The following SERP2 variants were observed in gnomAD, a reference collection of about 807,000 sequenced individuals.
SERP2 encodes stress-associated endoplasmic reticulum protein 2.
SERP2 carries 6 observed loss-of-function variants against 9.1 expected under a neutral mutation model. The observed-to-expected ratio is 0.66, with a 90% CI of 0.36 to 1.30. SERP2 has a LOEUF of 1.30. Among genes scored for constraint, SERP2 ranks in the 50% most tolerant of loss-of-function variants. SERP2 has a pLI of 0.03. For synonymous variants in SERP2, 37 were observed against 27.3 expected, an observed-to-expected ratio of 1.35 and a Z score of -1.10; for missense variants, 58 against 81.9, an observed-to-expected ratio of 0.71 and a Z score of 1.13.
intron 2 of SERP2, among the ~76,000 whole-genome samples, chr13:44,394,345 A>G (rs4942326): frequency 0.99 from 150,376 of 152,268 alleles, 74,277 homozygotes; most frequent in Non-Finnish European, 1. Context: ...GGATGGTCTC[A>G]ATCTCTTGAC....
rs540782238 is a variant in SERP2, at chr13:44,395,877, GAAGA to G, written c.158-1390_158-1387del. Reference sequence around the variant, plus strand: ...ATACAAGAGATGTGACCAGAGATGAGAAGAAAGAGACCCAAAAAATGATCAGAAG... The same window carrying G: ...ATACAAGAGATGTGACCAGAGATGAGAAGAGACCCAAAAAATGATCAGAAG... On this transcript the variant is annotated intron_variant, in intron 2 of 2. Coordinates refer to ENST00000379179, the MANE Select transcript of SERP2 (RefSeq NM_001010897.3). 207 of 455,142 alleles carry G rather than the reference GAAGA, an allele frequency of 4.5e-4. No homozygotes were observed. In the East Asian group the frequency reaches 0.014, roughly 31 times the overall value. The allele number at this position is 455,142 out of a possible 1,614,324, so 28.2% of individuals were successfully genotyped here.
At chr13:44,388,572 T>C (rs188335832) in intron 2 of SERP2, among the ~76,000 whole-genome samples, 42 of 152,324 alleles carry the variant, frequency 2.8e-4, no homozygotes, top group African/African-American at 8.4e-4. Context: ...GCACCATCCG[T>C]TGGGAGTCGC....
At chr13:44,383,600 T>C (rs570441299) in intron 2 of SERP2, among the ~76,000 whole-genome samples, 1 of 138,094 alleles carries the variant, frequency 7.2e-6, no homozygotes, top group East Asian at 2.1e-4. Context: ...CAGGCTGGAG[T>C]GCAGTGGCGC....
At position 44,373,886 on chromosome 13, in the gene SERP2, C is replaced by A. The variant is rs984506999; in HGVS notation, c.-140C>A. On this transcript the variant is annotated 5_prime_UTR_variant, in exon 1 of 3. Coordinates refer to ENST00000379179, the MANE Select transcript of SERP2 (RefSeq NM_001010897.3). This position sits in a 1 kb window ranked among gnomAD's most constrained non-coding sequence, Gnocchi z 4.8. Reference sequence around the variant, plus strand: ...TAGCCGGGGCTCGGGGAGCGGGGTGCGCAGGGCTCGGGGCCACGCCTTGCC... The same window carrying A: ...TAGCCGGGGCTCGGGGAGCGGGGTGAGCAGGGCTCGGGGCCACGCCTTGCC... 47 of 653,116 alleles carry A rather than the reference C, an allele frequency of 7.2e-5. 2 individuals carry two copies. The South Asian group carries it at 9.4e-4, about 13-fold the overall frequency. The allele number at this position is 653,116 out of a possible 1,614,324, so 40.5% of individuals were successfully genotyped here.
intron 2 of SERP2, among the ~76,000 whole-genome samples, chr13:44,395,551 C>CCGAGA (rs1308309458): frequency 6.7e-6 from 1 of 148,812 alleles, no homozygotes; most frequent in Non-Finnish European, 1.5e-5. Context: ...TTGCAGTGAG[C>CCGAGA]CGAGATCGCA....
chr13:44,387,167 ACTG>A (rs1469816668), intron 2 of SERP2, among the ~76,000 whole-genome samples: 1 of 152,180 alleles, frequency 6.6e-6, no homozygotes, highest in Non-Finnish European at 1.5e-5. Flanking sequence ...AGATAGGTCA[ACTG>A]CTATCTTCTC....
At chr13:44,378,366 GT>G (rs1176810139) in intron 1 of SERP2, among the ~76,000 whole-genome samples, 1 of 151,780 alleles carries the variant, frequency 6.6e-6, no homozygotes. Flanking sequence ...AGCACCACTC[GT>G]TTTTTTTGAA....
In SERP2 at chr13:44,380,337, TTG is replaced by T. The variant is rs150349691; in HGVS notation, c.157+627_157+628del. 5.5e-3 allele frequency among the ~76,000 whole-genome samples: 843 copies of T among 152,304 alleles called. 7 individuals are homozygous for T. Among genetic ancestry groups the T allele is most frequent in the African/African-American group, 0.02 (816 of 41,554 alleles). On this transcript the variant is annotated intron_variant, in intron 2 of 2. Coordinates refer to ENST00000379179, the MANE Select transcript of SERP2 (RefSeq NM_001010897.3). ...CCCATATGTTGGGTCTCAGAAATCC[TTG>T]TGAGTGGAGGTCACTTCTTCTAACT...
chr13:44,388,109 TA>T (rs1385014043), intron 2 of SERP2, among the ~76,000 whole-genome samples: 2 of 148,800 alleles, frequency 1.3e-5, no homozygotes, highest in East Asian at 4.0e-4. Flanking sequence ...AAAATGTGTT[TA>T]AAAAAAATCT....
chr13:44,374,012 A>G lies in SERP2; in HGVS notation c.-14A>G. The G allele has an allele frequency of 6.3e-7, 1 of 1,592,394 alleles. No individual in the cohort carries two copies. The highest frequency in any genetic ancestry group is 8.6e-7 in the Non-Finnish European group (1 of 1,169,430). ...GAATCCTTGCAGGTGGGAGCATTTC[A>G]GAGCGCACAAGCCATGGTGGCCAAA... On this transcript the variant is annotated 5_prime_UTR_variant, in exon 1 of 3. Transcript: ENST00000379179.
intron 2 of SERP2, chr13:44,391,173 A>T (rs137998764): frequency 2.1e-3 from 323 of 151,670 alleles, no homozygotes; most frequent in African/African-American, 7.5e-3. Flanking sequence ...TCCTTCTGGC[A>T]CTCCCTCTTA....
At chr13:44,375,908 C>A (rs1871623001) in intron 1 of SERP2, among the ~76,000 whole-genome samples, 1 of 152,138 alleles carries the variant, frequency 6.6e-6, no homozygotes. Context: ...ATTGGGAAAA[C>A]ATTGTTTAAA....
chr13:44,388,377 T>C (rs1872448370), intron 2 of SERP2, among the ~76,000 whole-genome samples: 1 of 152,244 alleles, frequency 6.6e-6, no homozygotes, highest in Non-Finnish European at 1.5e-5. Context: ...CATGCTTGCA[T>C]GTCTGTGTGT....
At chr13:44,385,899 A>G (rs1595053052) in intron 2 of SERP2, among the ~76,000 whole-genome samples, 1 of 152,288 alleles carries the variant, frequency 6.6e-6, no homozygotes, top group Non-Finnish European at 1.5e-5. Flanking sequence ...CATGGGAAAC[A>G]GGGGCACCAC....
intron 2 of SERP2, among the ~76,000 whole-genome samples, chr13:44,382,812 A>G (rs561498503): frequency 1.3e-3 from 198 of 152,280 alleles, no homozygotes; most frequent in Non-Finnish European, 2.3e-3. Flanking sequence ...GGGCTTTGGA[A>G]ATACAATCCT....
chr13:44,377,486 C>A (rs1388392257), intron 1 of SERP2, among the ~76,000 whole-genome samples: 3 of 152,134 alleles, frequency 2.0e-5, no homozygotes, highest in Admixed American at 6.5e-5. Flanking sequence ...CTTGGCCTGG[C>A]CTTAAGGGCC....
At chr13:44,387,856 C>T (rs1262487356) in intron 2 of SERP2, among the ~76,000 whole-genome samples, 1 of 152,166 alleles carries the variant, frequency 6.6e-6, no homozygotes, top group African/African-American at 2.4e-5. Context: ...CTCATGTATT[C>T]CTAATTTCAA....
rs368561729 is a variant in SERP2, at chr13:44,374,730, G to A, written c.84+621G>A. Among the ~76,000 whole-genome samples, 9 of 152,256 alleles carry A rather than the reference G, an allele frequency of 5.9e-5. 1 individual carries two copies. The highest frequency in any genetic ancestry group is 2.2e-4 in the African/African-American group (9 of 41,548). On this transcript the variant is annotated intron_variant, in intron 1 of 2. Transcript: ENST00000379179. ...GTGTGGAAAGAGCTCAAAATGGGGA[G>A]TGAGATTTGGACCCACATTCCCTCC...
chr13:44,380,475 G>A (rs1171493066), intron 2 of SERP2, among the ~76,000 whole-genome samples: 1 of 152,084 alleles, frequency 6.6e-6, no homozygotes, highest in Non-Finnish European at 1.5e-5. Flanking sequence ...CAGCAAGACA[G>A]CCTCTGCCCC....
Sources: gnomAD v4.1 joint callset for allele counts (sites outside exome capture counted in the v4.1 genomes callset) on GRCh38, gnomAD v4.1.1 for gene constraint, Gnocchi (gnomAD v3.1) non-coding constraint, MANE v1.5 for transcripts, NCBI Gene and HGNC (gene_info 2026-07-23, HGNC 2026-07-21) for gene names.